DLG2: variants seen among roughly 807,000 people sequenced by gnomAD.
The protein encoded by DLG2 is discs large MAGUK scaffold protein 2, also known as disks large homolog 2.
DLG2 carries 45 observed loss-of-function variants against 132.5 expected under a neutral mutation model. The observed-to-expected ratio is 0.34, with a 90% CI of 0.27 to 0.44. The LOEUF is 0.44. DLG2 is among the 20% of genes least tolerant of loss of function. DLG2 has a pLI of 1.00. For synonymous variants in DLG2, 424 were observed against 419.6 expected (o/e 1.01, Z -0.13); for missense variants, 1,045 against 1,196.9 (o/e 0.87, Z 1.87).
chr11:84,308,436 G>A (rs1041263687), intron 7 of DLG2, among the ~76,000 whole-genome samples: 10 of 152,210 alleles, frequency 6.6e-5, no homozygotes, highest in Non-Finnish European at 1.3e-4. Flanking sequence ...CCCTTAGCTA[G>A]ACATAAAGGT....
At chr11:84,903,695 T>C (rs915902944) in intron 6 of DLG2, among the ~76,000 whole-genome samples, 1 of 152,128 alleles carries the variant, frequency 6.6e-6, no homozygotes, top group African/African-American at 2.4e-5. Flanking sequence ...AAAATTAGGA[T>C]AGTTGTGCAG....
At chr11:84,307,695 CAA>C (rs1222486667) in intron 7 of DLG2, among the ~76,000 whole-genome samples, 3,746 of 77,772 alleles carry the variant, frequency 0.048, 101 homozygotes, top group East Asian at 0.17. Flanking sequence ...GACGCAGTCT[CAA>C]AAAAAAAAAA....
At chr11:84,117,695 G>A (rs537230238) in intron 9 of DLG2, among the ~76,000 whole-genome samples, 1 of 152,098 alleles carries the variant, frequency 6.6e-6, no homozygotes, top group Non-Finnish European at 1.5e-5. Context: ...TATAAGAATT[G>A]TATTCATTGA....
chr11:84,060,199 C>T (rs945592486), intron 10 of DLG2, among the ~76,000 whole-genome samples: 1 of 151,978 alleles, frequency 6.6e-6, no homozygotes, highest in African/African-American at 2.4e-5. Flanking sequence ...TGTAGTTCAG[C>T]TACTTGGGAG....
At chr11:83,886,409 G>A (rs1276377715) in intron 15 of DLG2, among the ~76,000 whole-genome samples, 4 of 152,134 alleles carry the variant, frequency 2.6e-5, no homozygotes, top group African/African-American at 9.7e-5. Flanking sequence ...TATCCAAAAT[G>A]TACATGCACC....
intron 3 of DLG2, among the ~76,000 whole-genome samples, chr11:85,397,481 G>T (rs1380756026): frequency 1.3e-5 from 2 of 152,130 alleles, no homozygotes; most frequent in African/African-American, 4.8e-5. Context: ...GATAAAGATT[G>T]GCAAATTGGA....
intron 7 of DLG2, among the ~76,000 whole-genome samples, chr11:84,421,847 C>T (rs532692809): frequency 4.6e-5 from 7 of 152,296 alleles, no homozygotes; most frequent in African/African-American, 1.4e-4. Flanking sequence ...CTCTTTTTCT[C>T]TGCTCGGAAT....
At chr11:83,995,305 T>C (rs1455024227) in intron 11 of DLG2, among the ~76,000 whole-genome samples, 1 of 152,084 alleles carries the variant, frequency 6.6e-6, no homozygotes, top group Non-Finnish European at 1.5e-5. Flanking sequence ...CTTCTGAACT[T>C]CCAGGAGATA....
chr11:85,006,715 T>C (rs1486345317), intron 6 of DLG2, among the ~76,000 whole-genome samples: 1 of 152,148 alleles, frequency 6.6e-6, no homozygotes, highest in Non-Finnish European at 1.5e-5. Flanking sequence ...GGGTTTTTCT[T>C]GTCTCTATCT....
intron 6 of DLG2, among the ~76,000 whole-genome samples, chr11:84,962,472 A>T (rs1274431956): frequency 1.3e-5 from 2 of 152,194 alleles, no homozygotes; most frequent in African/African-American, 2.4e-5. Context: ...TAAAGATACT[A>T]AAATATCAAA....
At chr11:84,904,718 A>G (rs1229249386) in intron 6 of DLG2, among the ~76,000 whole-genome samples, 2 of 152,192 alleles carry the variant, frequency 1.3e-5, no homozygotes, top group Non-Finnish European at 2.9e-5. Flanking sequence ...ACAGTGTCTA[A>G]TACACACAAA....
intron 4 of DLG2, among the ~76,000 whole-genome samples, chr11:85,234,039 C>T (rs549531874): frequency 3.3e-5 from 5 of 151,968 alleles, no homozygotes; most frequent in African/African-American, 1.2e-4. Context: ...TACTATGTGC[C>T]ATCCACTGTG....
At chr11:85,508,756 A>T (rs1448382102) in intron 3 of DLG2, among the ~76,000 whole-genome samples, 1 of 152,050 alleles carries the variant, frequency 6.6e-6, no homozygotes, top group African/African-American at 2.4e-5. Context: ...CAAATGTTCT[A>T]CTTTGAAATT....
intron 7 of DLG2, among the ~76,000 whole-genome samples, chr11:84,435,891 A>T (rs554740101): frequency 6.6e-6 from 1 of 152,256 alleles, no homozygotes; most frequent in Admixed American, 6.5e-5. Flanking sequence ...GGCATAAGAC[A>T]TTATCTCCCA....
chr11:83,536,149 C>T (rs1243773029), intron 20 of DLG2, among the ~76,000 whole-genome samples: 2 of 152,178 alleles, frequency 1.3e-5, no homozygotes, highest in South Asian at 2.1e-4. Context: ...TGTACCCTTG[C>T]ATCCCCATCT....
chr11:83,724,778 T>C, intron 18 of DLG2: 1 of 692,788 alleles, frequency 1.4e-6, no homozygotes. Context: ...TGCTGCCCTC[T>C]TTTCATTTTA....
intron 6 of DLG2, among the ~76,000 whole-genome samples, chr11:84,673,564 C>G (rs2099708226): frequency 7.5e-6 from 1 of 133,104 alleles, no homozygotes; most frequent in African/African-American, 2.8e-5. Flanking sequence ...AAGTTAAAAA[C>G]AAGTCTACAA....
chr11:83,920,585 T>C (rs2077690051), intron 15 of DLG2, among the ~76,000 whole-genome samples: 3 of 152,034 alleles, frequency 2.0e-5, no homozygotes, highest in Admixed American at 2.0e-4. Flanking sequence ...GAGGTATCTA[T>C]TGGGGGGGTC....
intron 19 of DLG2, among the ~76,000 whole-genome samples, chr11:83,610,820 AATAGAAAG>A (rs2060009088): frequency 6.6e-6 from 1 of 152,208 alleles, no homozygotes; most frequent in Non-Finnish European, 1.5e-5. Context: ...TGTTATCCAC[AATAGAAAG>A]AGGAGAAAAC....
Sources: gnomAD v4.1 joint callset for allele counts (sites outside exome capture counted in the v4.1 genomes callset) on GRCh38, gnomAD v4.1.1 for gene constraint, MANE v1.5 for transcripts, NCBI Gene and HGNC (gene_info 2026-07-23, HGNC 2026-07-21) for gene names.